The following RPS6KA2 variants were observed in gnomAD, a reference collection of about 807,000 sequenced individuals.
RPS6KA2 encodes the protein ribosomal protein S6 kinase alpha-2.
In RPS6KA2, 42 loss-of-function variants were observed where a neutral mutation model predicts 91.8. That is an observed-to-expected ratio of 0.46 (90% confidence interval 0.36 to 0.59). RPS6KA2 has a LOEUF of 0.59. RPS6KA2 is among the 20% of genes least tolerant of loss of function. The probability of loss-of-function intolerance (pLI) is 0.00; values close to 1 mark genes in which losing one functional copy is unlikely to be tolerated. For missense variants in RPS6KA2, 798 were observed against 978.5 expected, an observed-to-expected ratio of 0.82 and a Z score of 2.46; for synonymous variants, 414 against 393.6, an observed-to-expected ratio of 1.05 and a Z score of -0.61.
chr6:166,702,345 G>T, intron 2 of RPS6KA2: 2 of 1,612,126 alleles, frequency 1.2e-6, no homozygotes, highest in African/African-American at 2.7e-5. Flanking sequence ...AAGGGGTTTT[G>T]CTGGGTGGCC....
intron 1 of RPS6KA2, among the ~76,000 whole-genome samples, chr6:166,624,154 C>G (rs1384150591): frequency 6.6e-6 from 1 of 152,036 alleles, no homozygotes; most frequent in Non-Finnish European, 1.5e-5. Flanking sequence ...CTCTGAAAGC[C>G]TTTTAAATGA....
chr6:166,413,180 T>C (rs1778373524), intron 20 of RPS6KA2, among the ~76,000 whole-genome samples: 1 of 152,028 alleles, frequency 6.6e-6, no homozygotes, highest in African/African-American at 2.4e-5. Context: ...GCCCCCAGGC[T>C]GAGGTCACGT....
chr6:166,461,625 G>A (rs539134480), intron 11 of RPS6KA2, among the ~76,000 whole-genome samples: 3 of 151,890 alleles, frequency 2.0e-5, no homozygotes, highest in South Asian at 4.2e-4. Flanking sequence ...GAGAGAGCAC[G>A]CACTAGCTCG....
At chr6:166,415,448 T>A (rs1778465820) in intron 19 of RPS6KA2, among the ~76,000 whole-genome samples, 1 of 152,024 alleles carries the variant, frequency 6.6e-6, no homozygotes, top group Non-Finnish European at 1.5e-5. Flanking sequence ...GTGTGCTAAG[T>A]AAGAGAAAGG....
chr6:166,567,107 G>A (rs1178947153), intron 1 of RPS6KA2, among the ~76,000 whole-genome samples: 1 of 152,210 alleles, frequency 6.6e-6, no homozygotes, highest in Non-Finnish European at 1.5e-5. Context: ...AACCCAGGAA[G>A]ACATCACAAA....
intron 1 of RPS6KA2, among the ~76,000 whole-genome samples, chr6:166,552,260 C>T (rs956027375): frequency 2.6e-5 from 4 of 152,230 alleles, no homozygotes; most frequent in South Asian, 2.1e-4. Context: ...CCTCCTACCT[C>T]GCAAAGCGTC....
chr6:166,503,055 C>T (rs941354724), intron 6 of RPS6KA2, among the ~76,000 whole-genome samples: 4 of 152,134 alleles, frequency 2.6e-5, no homozygotes, highest in African/African-American at 9.7e-5. Flanking sequence ...TACACATCAC[C>T]TGGAGCTAAT....
intron 2 of RPS6KA2, among the ~76,000 whole-genome samples, chr6:166,786,219 T>C (rs1314615127): frequency 1.3e-5 from 2 of 152,210 alleles, no homozygotes; most frequent in African/African-American, 4.8e-5. Context: ...CAGAACTAAA[T>C]ATGAACACAG....
intron 2 of RPS6KA2, among the ~76,000 whole-genome samples, chr6:166,828,163 G>A (rs183063349): frequency 1.1e-3 from 171 of 152,344 alleles, no homozygotes; most frequent in African/African-American, 4.0e-3. Flanking sequence ...CATCCCACCT[G>A]TTCCCTCCCA....
Position 166,423,348 on chromosome 6 carries a change from G to A in RPS6KA2, c.1651C>T (p.Arg551Ter), listed in dbSNP as rs1310523412. 1.2e-6 allele frequency: 2 copies of A among 1,614,056 alleles called. No individual in the cohort carries two copies. Among genetic ancestry groups the A allele is most frequent in the Admixed American group, 1.7e-5 (1 of 59,998 alleles). The change falls in exon 17 of 21, where the codon CGA becomes TGA. Residue 551 changes from arginine to a stop codon, truncating the protein, a stop_gained. Coordinates refer to ENST00000265678, the MANE Select transcript of RPS6KA2 (RefSeq NM_021135.6). LOFTEE classifies it high-confidence loss of function. This position sits in a 1 kb window ranked among gnomAD's most constrained non-coding sequence, Gnocchi z 4.8. ...TTGGCAAAGCCGAAGTCGCAGACTC[G>A]GATGGATTCTGGGCTCCCCGACTCA... is the stretch of plus-strand genomic sequence containing the variant. ...RDESGSPESI[R>*]VCDFGFAKQL...
At chr6:166,724,231 G>A (rs1350618773) in intron 2 of RPS6KA2, among the ~76,000 whole-genome samples, 1 of 152,114 alleles carries the variant, frequency 6.6e-6, no homozygotes, top group African/African-American at 2.4e-5. Context: ...TAACAGCAAT[G>A]AGTTAAAGTT....
chr6:166,745,348 T>C (rs1329188794), intron 2 of RPS6KA2, among the ~76,000 whole-genome samples: 3 of 152,032 alleles, frequency 2.0e-5, no homozygotes, highest in Non-Finnish European at 2.9e-5. Context: ...AATGGGGTTT[T>C]ACCATGTTGG....
chr6:166,818,583 G>A (rs372295913), intron 2 of RPS6KA2, among the ~76,000 whole-genome samples: 4 of 152,120 alleles, frequency 2.6e-5, no homozygotes, highest in African/African-American at 4.8e-5. Context: ...TGATGCTTTC[G>A]GGCTGCACAG....
chr6:166,508,129 C>G lies in RPS6KA2; in HGVS notation c.459+74G>C, dbSNP rs1180636173. On this transcript the variant is annotated intron_variant, in intron 5 of 20. Coordinates refer to ENST00000265678, the MANE Select transcript of RPS6KA2 (RefSeq NM_021135.6). The surrounding 1 kb of genome is among the most constrained non-coding windows in gnomAD (Gnocchi z 4.3). ...CACGTGCTCACGTCCTCTCAATGCT[C>G]TCCACCCCTCCTCCCCTCGAGTCCC... The G allele has an allele frequency of 1.0e-6, 1 of 958,690 alleles. No homozygotes were observed. Among genetic ancestry groups the G allele is most frequent in the Non-Finnish European group, 1.7e-6 (1 of 604,164 alleles). The allele number at this position is 958,690 out of a possible 1,614,324, so 59.4% of individuals were successfully genotyped here.
rs532536778 is a variant in RPS6KA2, at chr6:166,767,593, C to T, written c.123+90607G>A. ...AAGGGACCCAGGAAGGGTGAACATT[C>T]GGCCAGAATGTGTTGAGCGTCCACA... On this transcript the variant is annotated intron_variant, in intron 2 of 21. Coordinates refer to the RPS6KA2 transcript ENST00000503859. This position sits in a 1 kb window ranked among gnomAD's most constrained non-coding sequence, Gnocchi z 4.6. Among the ~76,000 whole-genome samples the T allele has an allele frequency of 3.9e-5, 6 of 152,304 alleles. No homozygotes were observed. Among genetic ancestry groups the T allele is most frequent in the Admixed American group, 2.0e-4 (3 of 15,290 alleles).
In RPS6KA2 at chr6:166,507,757, G is replaced by C. The variant is rs111210804; in HGVS notation, c.459+446C>G. On this transcript the variant is annotated intron_variant, in intron 5 of 20. Coordinates refer to ENST00000265678, the MANE Select transcript of RPS6KA2 (RefSeq NM_021135.6). ...CACATACACCACAAATCACACGCCTGACATATACACACAGCACACATCACA... is the reference window on the plus strand; with the variant it reads ...CACATACACCACAAATCACACGCCTCACATATACACACAGCACACATCACA... Among the ~76,000 whole-genome samples, 1,227 of 146,660 alleles carry C rather than the reference G, an allele frequency of 8.4e-3. 17 individuals are homozygous for C. The highest frequency in any genetic ancestry group is 0.029 in the African/African-American group (1,157 of 39,440).
intron 1 of RPS6KA2, among the ~76,000 whole-genome samples, chr6:166,552,133 C>G (rs940366807): frequency 1.3e-5 from 2 of 152,224 alleles, no homozygotes; most frequent in African/African-American, 2.4e-5. Flanking sequence ...ACCCCATGAA[C>G]ACTTACAGGG....
intron 1 of RPS6KA2, among the ~76,000 whole-genome samples, chr6:166,582,275 C>T (rs549859852): frequency 6.6e-6 from 1 of 152,168 alleles, no homozygotes; most frequent in African/African-American, 2.4e-5. Context: ...GCCGCTGAGC[C>T]GTCCATGGAG....
intron 1 of RPS6KA2, among the ~76,000 whole-genome samples, chr6:166,574,115 G>T (rs1014394152): frequency 1.3e-5 from 2 of 152,156 alleles, no homozygotes; most frequent in Non-Finnish European, 1.5e-5. Context: ...GAGTCCTGGC[G>T]TGCTGACCGA....
Sources: gnomAD v4.1 joint callset for allele counts (sites outside exome capture counted in the v4.1 genomes callset) on GRCh38, gnomAD v4.1.1 for gene constraint, Gnocchi (gnomAD v3.1) non-coding constraint, MANE v1.5 for transcripts, NCBI Gene and HGNC (gene_info 2026-07-23, HGNC 2026-07-21) for gene names.